The following FREM2 variants were observed in gnomAD, a reference collection of about 807,000 sequenced individuals.
FREM2 encodes the protein FRAS1 related extracellular matrix 2.
Under a neutral mutation model 219.9 loss-of-function variants are expected in FREM2, and 119 were observed. That is an observed-to-expected ratio of 0.54 (90% CI 0.47 to 0.63). The LOEUF (loss-of-function observed/expected upper bound fraction) is 0.63, where lower values mean the gene tolerates loss of function less well. Among genes scored for constraint, FREM2 ranks in the 30% least tolerant of loss-of-function variants. The pLI is 0.00. For missense variants in FREM2, 4,030 were observed against 3,993.6 expected (o/e 1.01, Z -0.25); for synonymous variants, 1,562 against 1,522.8 (o/e 1.03, Z -0.60).
At chr13:38,794,488 T>C (rs1467281825) in intron 6 of FREM2, among the ~76,000 whole-genome samples, 2 of 152,216 alleles carry the variant, frequency 1.3e-5, no homozygotes, top group African/African-American at 4.8e-5. Context: ...TTCACCAATT[T>C]TTGAAATAAT....
At chr13:38,727,890 AT>A (rs1353241403) in intron 2 of FREM2, among the ~76,000 whole-genome samples, 1 of 152,212 alleles carries the variant, frequency 6.6e-6, no homozygotes, top group Non-Finnish European at 1.5e-5. Flanking sequence ...TTCCTCTTTG[AT>A]TATAATTACA....
At chr13:38,694,723 A>C (rs1453663011) in intron 1 of FREM2, among the ~76,000 whole-genome samples, 1 of 152,206 alleles carries the variant, frequency 6.6e-6, no homozygotes, top group Non-Finnish European at 1.5e-5. Context: ...AAAACTTATT[A>C]AATTGATGAA....
At chr13:38,859,725 A>G (rs1226273785) in intron 14 of FREM2, 135 bp downstream of exon 14, 10 of 917,616 alleles carry the variant, frequency 1.1e-5, no homozygotes, top group Non-Finnish European at 3.4e-6. Flanking sequence ...ATTAAAATCT[A>G]TTTTTACAAA....
intron 4 of FREM2, among the ~76,000 whole-genome samples, chr13:38,777,166 G>T (rs973687469): frequency 6.6e-6 from 1 of 151,848 alleles, no homozygotes; most frequent in African/African-American, 2.4e-5. Flanking sequence ...AATTGTGTAT[G>T]TATACAATCA....
chr13:38,882,174 T>C lies in FREM2; in HGVS notation c.*1387T>C, dbSNP rs1030774361. 3 of 152,302 alleles carry C rather than the reference T, an allele frequency of 2.0e-5. No homozygotes were observed. Among genetic ancestry groups the C allele is most frequent in the African/African-American group, 7.2e-5 (3 of 41,572 alleles). 9.4% of individuals were successfully genotyped at this position (152,302 alleles called of 1,614,324 possible). On this transcript the variant is annotated 3_prime_UTR_variant, in exon 24 of 24. Coordinates refer to ENST00000280481, the MANE Select transcript of FREM2 (RefSeq NM_207361.6). ...CTGCATCAATGTGTTTGTTACCAAA[T>C]AGCAGAAATTTCGCTTAGAAGGGGA...
intron 2 of FREM2, among the ~76,000 whole-genome samples, chr13:38,737,906 C>T (rs1221167038): frequency 1.3e-5 from 2 of 152,228 alleles, no homozygotes; most frequent in Non-Finnish European, 1.5e-5. Context: ...TTAGGAAGAT[C>T]ACTGGGGAGC....
At chr13:38,838,229 G>A (rs535301640) in intron 6 of FREM2, among the ~76,000 whole-genome samples, 5 of 152,208 alleles carry the variant, frequency 3.3e-5, no homozygotes, top group Admixed American at 2.0e-4. Context: ...AGCTTAGTTT[G>A]GCTGGATATG....
At chr13:38,845,294 C>T (rs1158156341) in intron 6 of FREM2, among the ~76,000 whole-genome samples, 1 of 152,186 alleles carries the variant, frequency 6.6e-6, no homozygotes, top group Non-Finnish European at 1.5e-5. Flanking sequence ...TTCCAAGTGG[C>T]TTTGTGAGCC....
intron 6 of FREM2, among the ~76,000 whole-genome samples, chr13:38,827,074 A>G (rs186892166): frequency 2.1e-4 from 32 of 152,262 alleles, no homozygotes; most frequent in Admixed American, 3.9e-4. Context: ...TAAAATGTTT[A>G]CATGTCCAGA....
In FREM2 at chr13:38,851,165, G is replaced by T. The variant is rs1181260275; in HGVS notation, c.6742+57G>T. On this transcript the variant is annotated intron_variant, in intron 10 of 23. Coordinates refer to ENST00000280481, the MANE Select transcript of FREM2 (RefSeq NM_207361.6). ...AAATTAGAAACTAAAATCCAGCCAA[G>T]TCAAGGTTTTAAGTGACTCAGAAAA... is the stretch of plus-strand genomic sequence containing the variant. 4 of 1,582,760 alleles carry T rather than the reference G, an allele frequency of 2.5e-6. No individual in the cohort carries two copies. In the East Asian group the frequency reaches 9.0e-5, roughly 36 times the overall value.
intron 1 of FREM2, among the ~76,000 whole-genome samples, chr13:38,695,734 C>T (rs760627558): frequency 1.8e-4 from 27 of 152,228 alleles, no homozygotes; most frequent in Non-Finnish European, 3.7e-4. Flanking sequence ...AGAATTATAA[C>T]AGTAAACAGG....
chr13:38,751,864 CTG>C (rs59365871), intron 2 of FREM2, among the ~76,000 whole-genome samples: 3,070 of 130,280 alleles, frequency 0.024, 91 homozygotes, highest in East Asian at 0.19. Flanking sequence ...TGTACTTACT[CTG>C]TGTGTGTGTG....
At chr13:38,856,424 G>C (rs1877563110) in intron 12 of FREM2, among the ~76,000 whole-genome samples, 168 bp downstream of exon 12, 1 of 152,146 alleles carries the variant, frequency 6.6e-6, no homozygotes, top group South Asian at 2.1e-4. Flanking sequence ...GTTCTGATTA[G>C]ATCATAGTCA....
chr13:38,837,788 T>C (rs1351878874), intron 6 of FREM2, among the ~76,000 whole-genome samples: 1 of 149,820 alleles, frequency 6.7e-6, no homozygotes, highest in Non-Finnish European at 1.5e-5. Flanking sequence ...TTGTTTTGTT[T>C]TGTTTTTGCT....
At chr13:38,744,446 G>A (rs1593379639) in intron 2 of FREM2, among the ~76,000 whole-genome samples, 2 of 151,532 alleles carry the variant, frequency 1.3e-5, no homozygotes, top group African/African-American at 4.8e-5. Flanking sequence ...TTCTTTTAAT[G>A]ACTCCAACTT....
intron 2 of FREM2, among the ~76,000 whole-genome samples, chr13:38,732,122 A>G (rs1243922371): frequency 6.6e-6 from 1 of 152,246 alleles, no homozygotes; most frequent in Non-Finnish European, 1.5e-5. Context: ...TGTTAATAGT[A>G]AAGATGCATA....
chr13:38,709,643 A>G (rs1250803500), intron 2 of FREM2, among the ~76,000 whole-genome samples: 10 of 152,150 alleles, frequency 6.6e-5, no homozygotes, highest in Non-Finnish European at 1.5e-5. Flanking sequence ...ATATCATAGT[A>G]CAAATTGCTC....
At chr13:38,858,117 A>T (rs879078181) in intron 13 of FREM2, 84 bp downstream of exon 13, 1 of 1,193,800 alleles carries the variant, frequency 8.4e-7, no homozygotes, top group Non-Finnish European at 1.2e-6. Context: ...TGGCTTTGTT[A>T]TGAAGAAATG....
At chr13:38,880,177 T>A in intron 23 of FREM2, 107 bp from the exon 24 acceptor site, 2 of 1,213,442 alleles carry the variant, frequency 1.6e-6, no homozygotes, top group Non-Finnish European at 2.4e-6. Flanking sequence ...TTCTGCAGAC[T>A]AAAATCATTT....
Sources: gnomAD v4.1 joint callset for allele counts (sites outside exome capture counted in the v4.1 genomes callset) on GRCh38, gnomAD v4.1.1 for gene constraint, MANE v1.5 for transcripts, NCBI Gene and HGNC (gene_info 2026-07-23, HGNC 2026-07-21) for gene names.